The following TSHZ3 variants were observed in gnomAD, a reference collection of about 807,000 sequenced individuals.
The protein encoded by TSHZ3 is teashirt homolog 3.
A neutral mutation model predicts 64.5 loss-of-function variants in TSHZ3; 10 were observed. That is an observed-to-expected ratio of 0.16 (90% CI 0.10 to 0.26). The LOEUF is 0.26. Ranked by LOEUF, TSHZ3 falls within the 10% of genes least tolerant of loss-of-function variation. TSHZ3 has a pLI of 1.00. For synonymous variants in TSHZ3, 608 were observed against 593.1 expected (o/e 1.03, Z -0.36); for missense variants, 1,242 against 1,421.7 (o/e 0.87, Z 2.03).
intron 5 of TSHZ3, among the ~76,000 whole-genome samples, chr19:31,171,243 G>A (rs892857279): frequency 2.6e-5 from 4 of 152,018 alleles, no homozygotes; most frequent in African/African-American, 4.8e-5. Context: ...GCTTGAAGGC[G>A]GTGTTACCAA....
At chr19:31,312,412 G>C (rs752514091) in intron 1 of TSHZ3, among the ~76,000 whole-genome samples, 3 of 152,134 alleles carry the variant, frequency 2.0e-5, no homozygotes, top group African/African-American at 7.2e-5. Context: ...TCACACTTCC[G>C]ATGGGGTAGT....
At chr19:31,270,865 C>A (rs529444368), downstream of TSHZ3, among the ~76,000 whole-genome samples, 1 of 152,180 alleles carries the variant, frequency 6.6e-6, no homozygotes, top group Non-Finnish European at 1.5e-5. Flanking sequence ...TTTCTTATCA[C>A]CTTAATCATC....
intron 5 of TSHZ3, among the ~76,000 whole-genome samples, chr19:31,189,445 A>C (rs1406586861): frequency 1.3e-5 from 2 of 151,850 alleles, no homozygotes; most frequent in Non-Finnish European, 1.5e-5. Flanking sequence ...TTTCATTGTC[A>C]ATTATTTTTA....
intron 1 of TSHZ3, among the ~76,000 whole-genome samples, chr19:31,347,360 T>TAG (rs1185167706): frequency 6.6e-6 from 1 of 151,850 alleles, no homozygotes; most frequent in Non-Finnish European, 1.5e-5. Flanking sequence ...AGAGATGAAC[T>TAG]AGAGAGAGAG....
At chr19:31,300,371 G>A (rs73035759) in intron 1 of TSHZ3, among the ~76,000 whole-genome samples, 1,904 of 152,310 alleles carry the variant, frequency 0.013, 13 homozygotes, top group Admixed American at 0.02. Flanking sequence ...TTAACTGTAT[G>A]CAGTTATGAA....
chr19:31,324,413 G>A (rs1054858461), intron 1 of TSHZ3, among the ~76,000 whole-genome samples: 1 of 152,186 alleles, frequency 6.6e-6, no homozygotes, highest in African/African-American at 2.4e-5. Flanking sequence ...TATAATTTAT[G>A]TAAATATCCT....
chr19:31,187,051 G>A (rs544543374), intron 5 of TSHZ3, among the ~76,000 whole-genome samples: 1 of 151,738 alleles, frequency 6.6e-6, no homozygotes, highest in East Asian at 1.9e-4. Flanking sequence ...GTTCTTTTGG[G>A]GTACACTTCT....
intron 1 of TSHZ3, among the ~76,000 whole-genome samples, chr19:31,298,230 C>T (rs941602096): frequency 6.6e-6 from 1 of 152,076 alleles, no homozygotes; most frequent in East Asian, 1.9e-4. Flanking sequence ...TCCCCGCCAT[C>T]CAAAGCCCAT....
rs1357329136 is a variant in TSHZ3, at chr19:31,349,259, G to GCCT, written c.-41_-40insAGG. 1.3e-6 allele frequency: 2 copies of GCCT among 1,520,630 alleles called. No individual in the cohort carries two copies. The highest frequency in any genetic ancestry group is 2.9e-5 in the African/African-American group (2 of 67,848). 94.2% of individuals were successfully genotyped at this position (1,520,630 alleles called of 1,614,324 possible). ...GACTGCCACTGCCGCCGCCGCCGCC[G>GCCT]CTGCCGGGCTGAGGACAGGGAGGGA... On this transcript the variant is annotated 5_prime_UTR_variant, in exon 1 of 2. Coordinates refer to ENST00000240587, the MANE Select transcript of TSHZ3 (RefSeq NM_020856.4).
intron 1 of TSHZ3, among the ~76,000 whole-genome samples, chr19:31,332,962 A>G (rs1917135299): frequency 6.6e-6 from 1 of 151,736 alleles, no homozygotes; most frequent in Non-Finnish European, 1.5e-5. Context: ...AAAATTACTC[A>G]GGCATGATGG....
intron 1 of TSHZ3, among the ~76,000 whole-genome samples, chr19:31,262,216 C>T (rs1013163998): frequency 6.6e-6 from 1 of 152,158 alleles, no homozygotes; most frequent in Non-Finnish European, 1.5e-5. Context: ...TGCCAAATAA[C>T]CCTTAAAATA....
chr19:31,287,242 T>C (rs1230686916), intron 1 of TSHZ3, among the ~76,000 whole-genome samples: 1 of 152,184 alleles, frequency 6.6e-6, no homozygotes, highest in African/African-American at 2.4e-5. Context: ...TAAAATGCCC[T>C]GTGAGAGTTA....
At chr19:31,221,315 T>C (rs1461591736) in intron 4 of TSHZ3, among the ~76,000 whole-genome samples, 1 of 152,174 alleles carries the variant, frequency 6.6e-6, no homozygotes, top group Non-Finnish European at 1.5e-5. Flanking sequence ...ATGAGTGCAG[T>C]GATACACATA....
upstream of TSHZ3, among the ~76,000 whole-genome samples, chr19:31,350,648 C>G (rs1243665799): frequency 1.3e-5 from 2 of 151,480 alleles, no homozygotes; most frequent in Non-Finnish European, 3.0e-5. Flanking sequence ...CCGGGCCGGC[C>G]CGGCCGACTG....
chr19:31,162,883 G>C (rs146707314), intron 5 of TSHZ3, among the ~76,000 whole-genome samples: 139 of 152,290 alleles, frequency 9.1e-4, no homozygotes, highest in African/African-American at 3.3e-3. Flanking sequence ...GGAAGTAATG[G>C]AATAATTCCA....
At chr19:31,309,425 A>C (rs1916393003) in intron 1 of TSHZ3, among the ~76,000 whole-genome samples, 1 of 152,196 alleles carries the variant, frequency 6.6e-6, no homozygotes, top group South Asian at 2.1e-4. Context: ...CAGGCGCAGG[A>C]ACCCAAGCCA....
intron 5 of TSHZ3, among the ~76,000 whole-genome samples, chr19:31,193,176 T>C (rs774043570): frequency 2.0e-5 from 3 of 152,156 alleles, no homozygotes; most frequent in Non-Finnish European, 4.4e-5. Flanking sequence ...CATTTTTTCA[T>C]GACTCCAAGT....
intron 5 of TSHZ3, chr19:31,204,911 T>C (rs62101207): frequency 0.03 from 4,541 of 152,348 alleles, 106 homozygotes; most frequent in South Asian, 0.053. Flanking sequence ...GACAGCCCCA[T>C]AGGCACTCAG....
At chr19:31,188,850 G>A (rs1033759431) in intron 5 of TSHZ3, among the ~76,000 whole-genome samples, 5 of 151,876 alleles carry the variant, frequency 3.3e-5, no homozygotes, top group African/African-American at 1.2e-4. Context: ...TTCTGAAACA[G>A]TTTGTGAAAA....
Sources: allele counts gnomAD v4.1 joint callset (sites outside exome capture counted in the v4.1 genomes callset), GRCh38; gene constraint gnomAD v4.1.1; transcripts MANE v1.5; gene names NCBI Gene and HGNC (gene_info 2026-07-23, HGNC 2026-07-21).